TCF4: variants seen among roughly 807,000 people sequenced by gnomAD.
TCF4 encodes the protein SL3-3 enhancer factor 2.
In TCF4, 3 loss-of-function variants were observed where a neutral mutation model predicts 82.1. The observed-to-expected ratio is 0.04, with a 90% CI of 0.02 to 0.09. The LOEUF (loss-of-function observed/expected upper bound fraction) is 0.09. Among genes scored for constraint, TCF4 ranks in the 10% least tolerant of loss-of-function variants. The pLI is 1.00. For missense variants in TCF4, 518 were observed against 852.7 expected (o/e 0.61, Z 4.89); for synonymous variants, 276 against 309.6 (o/e 0.89, Z 1.14).
At chr18:55,255,123 C>A (rs2056449153) in intron 14 of TCF4, among the ~76,000 whole-genome samples, 1 of 152,030 alleles carries the variant, frequency 6.6e-6, no homozygotes, top group Non-Finnish European at 1.5e-5. Context: ...AATTCTTTTC[C>A]TGAAGGTATA....
In TCF4 at chr18:55,571,874, C is replaced by CAA. The variant is rs57217543; in HGVS notation, c.145+13404_145+13405dup. ...TTAATATTCTATCATATTTTCTTTTCAAAAAAAAAAAAAAAGCATTGTAGA... is the reference window on the plus strand; with the variant it reads ...TTAATATTCTATCATATTTTCTTTTCAAAAAAAAAAAAAAAAAGCATTGTAGA... On this transcript the variant is annotated intron_variant, in intron 3 of 19. Transcript: ENST00000354452. Among the ~76,000 whole-genome samples, 1,208 of 122,492 alleles carry CAA rather than the reference C, an allele frequency of 9.9e-3. 13 individuals carry two copies. Among genetic ancestry groups the CAA allele is most frequent in the African/African-American group, 0.029 (975 of 34,000 alleles). The allele number at this position is 122,492 out of a possible 152,430, so 80.4% of individuals were successfully genotyped here.
intron 3 of TCF4, among the ~76,000 whole-genome samples, chr18:55,574,360 T>G (rs866839341): frequency 1.3e-5 from 2 of 152,332 alleles, no homozygotes; most frequent in Middle Eastern, 3.4e-3. Context: ...AGTCTTGCTC[T>G]GTCGCCAATA....
intron 3 of TCF4, among the ~76,000 whole-genome samples, chr18:55,557,127 C>A (rs190363352): frequency 2.0e-5 from 3 of 152,164 alleles, no homozygotes; most frequent in Non-Finnish European, 2.9e-5. Context: ...CTGTTTAATG[C>A]AATGATTTTC....
chr18:55,249,480 C>T (rs774262346), intron 15 of TCF4, among the ~76,000 whole-genome samples: 1 of 152,118 alleles, frequency 6.6e-6, no homozygotes, highest in Non-Finnish European at 1.5e-5. Flanking sequence ...ACATGACTCC[C>T]CCATCCCTAA....
At chr18:55,336,255 ACTT>A (rs2078611202) in intron 8 of TCF4, among the ~76,000 whole-genome samples, 1 of 152,106 alleles carries the variant, frequency 6.6e-6, no homozygotes, top group Non-Finnish European at 1.5e-5. Context: ...TAATACTTTT[ACTT>A]ATTCTACAAT....
At chr18:55,607,931 C>T (rs1006524490) in intron 2 of TCF4, among the ~76,000 whole-genome samples, 2 of 152,176 alleles carry the variant, frequency 1.3e-5, no homozygotes, top group African/African-American at 4.8e-5. Flanking sequence ...AATTTCCCTG[C>T]CCAGCTTTTC....
In TCF4 at chr18:55,455,530, A is replaced by G. The variant is rs56235489; in HGVS notation, c.304+5489T>C. On this transcript the variant is annotated intron_variant, in intron 5 of 19. Transcript: ENST00000354452. ...ACATCAAGCTGAAAGGTGTTATTGG[A>G]AAAAAAAAAAAAAAAAAGAAGCACA... 8.4e-4 allele frequency among the ~76,000 whole-genome samples: 98 copies of G among 117,012 alleles called. 1 individual carries two copies. The highest frequency in any genetic ancestry group is 2.2e-4 in the African/African-American group (6 of 27,702). 76.8% of individuals were successfully genotyped at this position (117,012 alleles called of 152,430 possible).
At chr18:55,583,043 C>T (rs1390077019) in intron 3 of TCF4, among the ~76,000 whole-genome samples, 1 of 152,076 alleles carries the variant, frequency 6.6e-6, no homozygotes, top group African/African-American at 2.4e-5. Context: ...TGTTCAAATA[C>T]TATCTTGATA....
Position 55,260,035 on chromosome 18 carries a change from CA to C in TCF4, c.991-9del. 1 of 1,589,638 alleles carries C rather than the reference CA, an allele frequency of 6.3e-7. No individual in the cohort carries two copies. The highest frequency in any genetic ancestry group is 1.4e-5 in the African/African-American group (1 of 73,994). On this transcript the variant is annotated splice_polypyrimidine_tract_variant and intron_variant, in intron 12 of 19. Transcript: ENST00000354452. ...GTGATCTGGAGAATAGATCTTAAAA[CA>C]ATAAGGAGAAAAAAAAAACACCCTC... is the stretch of plus-strand genomic sequence containing the variant.
At chr18:55,603,969 A>G (rs1409627084) in intron 2 of TCF4, among the ~76,000 whole-genome samples, 1 of 152,126 alleles carries the variant, frequency 6.6e-6, no homozygotes, top group Non-Finnish European at 1.5e-5. Context: ...CACGTCATCA[A>G]TGTCGTGTCT....
chr18:55,627,958 AC>A (rs1457192621), intron 2 of TCF4, among the ~76,000 whole-genome samples: 2 of 150,608 alleles, frequency 1.3e-5, no homozygotes, highest in African/African-American at 4.9e-5. Flanking sequence ...TACTCGGGAG[AC>A]TGAGGGAGAA....
chr18:55,420,662 A>C (rs1401235819), intron 5 of TCF4, among the ~76,000 whole-genome samples: 1 of 152,172 alleles, frequency 6.6e-6, no homozygotes, highest in Non-Finnish European at 1.5e-5. Flanking sequence ...AAATTTATCA[A>C]AGCCAGTGGA....
chr18:55,555,007 A>C (rs1040050107), intron 3 of TCF4, among the ~76,000 whole-genome samples: 11 of 152,248 alleles, frequency 7.2e-5, no homozygotes, highest in African/African-American at 2.6e-4. Flanking sequence ...TCTTAACTGC[A>C]GGTAATTTTT....
intron 3 of TCF4, among the ~76,000 whole-genome samples, chr18:55,578,735 G>A (rs758993489): frequency 3.3e-5 from 5 of 151,924 alleles, no homozygotes; most frequent in Admixed American, 6.6e-5. Context: ...AAATACTGCC[G>A]CACATGTGAA....
At chr18:55,526,179 C>T (rs574421693) in intron 3 of TCF4, among the ~76,000 whole-genome samples, 2 of 152,262 alleles carry the variant, frequency 1.3e-5, no homozygotes, top group Non-Finnish European at 2.9e-5. Context: ...GAGAAATGTG[C>T]CCCACTTCAG....
intron 3 of TCF4, among the ~76,000 whole-genome samples, chr18:55,476,160 C>A (rs949065806): frequency 3.5e-5 from 5 of 143,920 alleles, no homozygotes; most frequent in African/African-American, 1.3e-4. Flanking sequence ...GTGTGGTTTC[C>A]ATGGGCTGAC....
intron 2 of TCF4, 168 bp downstream of exon 2, chr18:55,586,877 C>A: frequency 1.2e-5 from 7 of 579,178 alleles, no homozygotes; most frequent in South Asian, 1.9e-5. Flanking sequence ...CATCACACCA[C>A]AAAATTATAG....
In TCF4 at chr18:55,301,814, T is replaced by TGGG. The variant is rs879662082; in HGVS notation, c.550-22161_550-22159dup. Among the ~76,000 whole-genome samples the TGGG allele has an allele frequency of 1.1e-4, 8 of 74,824 alleles. No individual in the cohort carries two copies. In the South Asian group the frequency reaches 1.9e-3, roughly 18 times the overall value. The allele number at this position is 74,824 out of a possible 152,430, so 49.1% of individuals were successfully genotyped here. On this transcript the variant is annotated intron_variant, in intron 8 of 19. Coordinates refer to ENST00000354452, the MANE Select transcript of TCF4 (RefSeq NM_001083962.2). Reference sequence around the variant, plus strand: ...AAAAAAAAAAAAAAAAAAAAAAAAGTGGGGGGGGATTCGGGTGGGGGAGAG... The same window carrying TGGG: ...AAAAAAAAAAAAAAAAAAAAAAAAGTGGGGGGGGGGGATTCGGGTGGGGGAGAG...
rs533121046 is a variant in TCF4 at position 55,458,196 on chromosome 18, A to G, written c.304+2823T>C. Among the ~76,000 whole-genome samples the G allele has an allele frequency of 7.0e-4, 106 of 152,386 alleles. 1 individual carries two copies. The highest frequency in any genetic ancestry group is 2.5e-3 in the African/African-American group (105 of 41,594). On this transcript the variant is annotated intron_variant, in intron 5 of 19. Coordinates refer to ENST00000354452, the MANE Select transcript of TCF4 (RefSeq NM_001083962.2). Reference sequence around the variant, plus strand: ...ATTTGACAATAGAGAATCTGCTCCAATAAAGTGGCTGATTTATTTCTGATG... The same window carrying G: ...ATTTGACAATAGAGAATCTGCTCCAGTAAAGTGGCTGATTTATTTCTGATG...
Sources: allele counts gnomAD v4.1 joint callset (sites outside exome capture counted in the v4.1 genomes callset), GRCh38; gene constraint gnomAD v4.1.1; transcripts MANE v1.5; gene names NCBI Gene and HGNC (gene_info 2026-07-23, HGNC 2026-07-21).